WASF3: variants seen among roughly 807,000 people sequenced by gnomAD.
WASF3 encodes the protein actin-binding protein WASF3.
WASF3 carries 11 observed loss-of-function variants against 46.6 expected under a neutral mutation model. That is an observed-to-expected ratio of 0.24 (90% confidence interval 0.15 to 0.39). The LOEUF is 0.39. Ranked by LOEUF, WASF3 falls within the 10% of genes least tolerant of loss-of-function variation. WASF3 has a pLI of 1.00. For synonymous variants in WASF3, 242 were observed against 259.7 expected (o/e 0.93, Z 0.65); for missense variants, 576 against 669.8 (o/e 0.86, Z 1.55).
At position 26,676,772 on chromosome 13, in the gene WASF3, G is replaced by T. The variant is rs1456931847; in HGVS notation, c.716+48G>T. ...TCAGCCCTGATGCTTGGGCAACTGGGTACTACCTGGTTTTATTATCATTTG... is the reference window on the plus strand; with the variant it reads ...TCAGCCCTGATGCTTGGGCAACTGGTTACTACCTGGTTTTATTATCATTTG... On this transcript the variant is annotated intron_variant, in intron 7 of 9. Transcript: ENST00000335327. The T allele has an allele frequency of 2.6e-6, 4 of 1,534,036 alleles. No homozygotes were observed. The East Asian group carries it at 7.1e-5, about 27-fold the overall frequency.
At chr13:26,553,773 C>T (rs561352063), upstream of WASF3, among the ~76,000 whole-genome samples, 2,336 of 150,450 alleles carry the variant, frequency 0.016, 18 homozygotes, top group African/African-American at 0.027. Context: ...GCCGAGATCA[C>T]GCCACTGCAC....
rs182510803 is a variant in WASF3, at chr13:26,570,629, A to G, written c.-109+12810A>G. Among the ~76,000 whole-genome samples the G allele has an allele frequency of 1.9e-3, 287 of 152,280 alleles. 1 individual carries two copies. Among genetic ancestry groups the G allele is most frequent in the African/African-American group, 6.5e-3 (271 of 41,552 alleles). On this transcript the variant is annotated intron_variant, in intron 1 of 9. Transcript: ENST00000335327. ...TTATCAGATTCCAGAGCTCTTCCTC[A>G]TAATGTTATAGCTGTATAGTGCTGT...
chr13:26,624,606 CAGATCCA>C lies in WASF3; in HGVS notation c.-11+11552_-11+11558del, dbSNP rs375240005. On this transcript the variant is annotated intron_variant, in intron 2 of 9. Coordinates refer to ENST00000335327, the MANE Select transcript of WASF3 (RefSeq NM_006646.6). Reference sequence around the variant, plus strand: ...GACAGGAAACAACTAATAAGACAAACAGATCCAAGAATCTCAGAGAACCCCAAGCAGG... The same window carrying C: ...GACAGGAAACAACTAATAAGACAAACAGAATCTCAGAGAACCCCAAGCAGG... 2.0e-5 allele frequency among the ~76,000 whole-genome samples: 3 copies of C among 151,800 alleles called. 1 individual carries two copies. Among genetic ancestry groups the C allele is most frequent in the African/African-American group, 7.2e-5 (3 of 41,466 alleles).
chr13:26,623,161 G>C (rs138765633), intron 2 of WASF3, among the ~76,000 whole-genome samples: 36 of 152,242 alleles, frequency 2.4e-4, no homozygotes, highest in African/African-American at 7.5e-4. Flanking sequence ...GGATAACCAG[G>C]TACCCCAGAT....
chr13:26,565,868 T>C (rs1431954566), intron 1 of WASF3, among the ~76,000 whole-genome samples: 2 of 152,222 alleles, frequency 1.3e-5, no homozygotes, highest in African/African-American at 2.4e-5. Flanking sequence ...TGTTTGTCCA[T>C]TGTGTTACAG....
chr13:26,613,929 G>A (rs1372076250), intron 2 of WASF3, among the ~76,000 whole-genome samples: 3 of 152,166 alleles, frequency 2.0e-5, no homozygotes, highest in African/African-American at 7.2e-5. Flanking sequence ...TAATTGAGGA[G>A]CAATGAGACA....
At chr13:26,583,687 T>C (rs2137172458) in intron 1 of WASF3, among the ~76,000 whole-genome samples, 1 of 152,338 alleles carries the variant, frequency 6.6e-6, no homozygotes, top group African/African-American at 2.4e-5. Context: ...TACTTTACCC[T>C]CTGTATTTCA....
At chr13:26,635,772 T>C (rs1176465818) in intron 2 of WASF3, among the ~76,000 whole-genome samples, 1 of 152,244 alleles carries the variant, frequency 6.6e-6, no homozygotes, top group Admixed American at 6.5e-5. Context: ...TGTTGGAGTT[T>C]GCTGGCACTC....
At chr13:26,654,497 C>T (rs1267117190) in intron 3 of WASF3, among the ~76,000 whole-genome samples, 1 of 152,198 alleles carries the variant, frequency 6.6e-6, no homozygotes, top group East Asian at 1.9e-4. Flanking sequence ...ATAATACACC[C>T]TTCATGAGAA....
chr13:26,672,323 A>G (rs1882945557), intron 6 of WASF3, among the ~76,000 whole-genome samples: 1 of 152,234 alleles, frequency 6.6e-6, no homozygotes. Flanking sequence ...ATGCAGCACA[A>G]TGATGTGCTT....
At chr13:26,624,159 C>G (rs1173070645) in intron 2 of WASF3, among the ~76,000 whole-genome samples, 1 of 152,132 alleles carries the variant, frequency 6.6e-6, no homozygotes, top group Non-Finnish European at 1.5e-5. Context: ...TCAATGGAAA[C>G]AGACTCAGAG....
chr13:26,660,138 A>T (rs1002391092), intron 3 of WASF3, among the ~76,000 whole-genome samples: 9 of 145,218 alleles, frequency 6.2e-5, no homozygotes, highest in African/African-American at 2.3e-4. Flanking sequence ...GAGTTTTTGG[A>T]AATATTAAAA....
chr13:26,594,519 A>G (rs918518884), intron 1 of WASF3, among the ~76,000 whole-genome samples: 1 of 152,188 alleles, frequency 6.6e-6, no homozygotes, highest in Non-Finnish European at 1.5e-5. Context: ...TGGCTGCAGC[A>G]GTGGCCTAAG....
chr13:26,611,643 A>G (rs1480879669), intron 1 of WASF3, among the ~76,000 whole-genome samples: 2 of 152,152 alleles, frequency 1.3e-5, no homozygotes, highest in Non-Finnish European at 2.9e-5. Flanking sequence ...ACCCAGGGAT[A>G]ATTTTCTGTA....
chr13:26,603,678 G>C (rs1880707895), intron 1 of WASF3, among the ~76,000 whole-genome samples: 1 of 152,064 alleles, frequency 6.6e-6, no homozygotes, highest in Non-Finnish European at 1.5e-5. Context: ...AAAAATATTT[G>C]TAAAAAACTT....
intron 2 of WASF3, among the ~76,000 whole-genome samples, chr13:26,621,735 A>G (rs1391913340): frequency 6.6e-6 from 1 of 152,156 alleles, no homozygotes. Flanking sequence ...ATAAAGCTTT[A>G]AAAAGAAGCA....
chr13:26,591,396 A>G (rs1368976672), intron 1 of WASF3, among the ~76,000 whole-genome samples: 1 of 152,094 alleles, frequency 6.6e-6, no homozygotes, highest in African/African-American at 2.4e-5. Context: ...GGCTTGGGTG[A>G]GGATGCAAGC....
chr13:26,612,643 A>G (rs1881013026), intron 1 of WASF3, among the ~76,000 whole-genome samples: 1 of 152,236 alleles, frequency 6.6e-6, no homozygotes, highest in South Asian at 2.1e-4. Flanking sequence ...AACCTAAAAT[A>G]TATGTGTTGT....
chr13:26,551,847 G>T, the WASF3 span, among the ~76,000 whole-genome samples: 1 of 152,190 alleles, frequency 6.6e-6, no homozygotes, highest in South Asian at 2.1e-4. Flanking sequence ...GACTCTGACG[G>T]TTTTTGAGCA....
Sources: allele counts gnomAD v4.1 joint callset (sites outside exome capture counted in the v4.1 genomes callset), GRCh38; gene constraint gnomAD v4.1.1; transcripts MANE v1.5; gene names NCBI Gene and HGNC (gene_info 2026-07-23, HGNC 2026-07-21).